C22orf31: variants seen among roughly 807,000 people sequenced by gnomAD.
The protein encoded by C22orf31 is uncharacterized protein C22orf31.
C22orf31 carries 11 observed loss-of-function variants against 15.0 expected under a neutral mutation model. The ratio of observed to expected loss-of-function variants is 0.73; its 90% CI spans 0.46 to 1.21. C22orf31 has a LOEUF of 1.21. Ranked by LOEUF, C22orf31 falls within the 50% of genes most tolerant of loss-of-function variation. The pLI, the probability that C22orf31 is intolerant of heterozygous loss-of-function variation, is 0.00. For missense variants in C22orf31, 340 were observed against 347.2 expected (o/e 0.98, Z 0.17); for synonymous variants, 132 against 133.3 (o/e 0.99, Z 0.07).
At chr22:29,065,179 C>T (rs1421465896), upstream of C22orf31, among the ~76,000 whole-genome samples, 1 of 152,056 alleles carries the variant, frequency 6.6e-6, no homozygotes, top group Non-Finnish European at 1.5e-5. Flanking sequence ...TATTATGGTC[C>T]ATTTACTCAT....
At position 29,060,797 on chromosome 22, in the gene C22orf31, A is replaced by G. The variant is rs745508219; in HGVS notation, c.50T>C (p.Leu17Pro). The G allele has an allele frequency of 2.5e-6, 4 of 1,614,012 alleles. No individual in the cohort carries two copies. In the South Asian group the frequency reaches 3.3e-5, roughly 13 times the overall value. The change falls in exon 2 of 3, where the codon CTC (leucine) becomes CCC (proline). Residue 17 changes from leucine to proline, a missense_variant. Physicochemically the swap from Leu to Pro is moderately conservative, Grantham distance 98. Coordinates refer to ENST00000216071, the MANE Select transcript of C22orf31 (RefSeq NM_015370.2). ...RRDPSIPIYG[L>P]RQSILLNTRL... ...GGTATTTAATAAGATGGACTGTCGG[A>G]GTCCATAGATAGGGATGCTGGGGTC... is the stretch of plus-strand genomic sequence containing the variant.
the C22orf31 span, among the ~76,000 whole-genome samples, chr22:29,071,349 T>C: frequency 6.8e-6 from 1 of 148,084 alleles, no homozygotes; most frequent in South Asian, 2.1e-4. Context: ...AGAGGCCTCG[T>C]GGGAGGTAGC....
chr22:29,061,181 T>C (rs1289554682), intron 1 of C22orf31, among the ~76,000 whole-genome samples: 1 of 152,140 alleles, frequency 6.6e-6, no homozygotes, highest in Non-Finnish European at 1.5e-5. Context: ...AAGACTTCCA[T>C]ATGAGCTGTA....
the C22orf31 span, among the ~76,000 whole-genome samples, chr22:29,072,191 C>A: frequency 2.0e-5 from 3 of 152,144 alleles, no homozygotes; most frequent in South Asian, 2.1e-4. Flanking sequence ...GTCACCCAGG[C>A]TGGAGTGCAG....
At chr22:29,071,706 G>C in the C22orf31 span, among the ~76,000 whole-genome samples, 7 of 152,316 alleles carry the variant, frequency 4.6e-5, no homozygotes, top group East Asian at 1.4e-3. Flanking sequence ...CGGGAGGGCG[G>C]GGGAGGAGGA....
the C22orf31 span, among the ~76,000 whole-genome samples, chr22:29,069,658 T>C: frequency 6.6e-6 from 1 of 152,320 alleles, no homozygotes; most frequent in East Asian, 1.9e-4. Context: ...TTAAGTGCCA[T>C]GACCTAGACG....
the C22orf31 span, among the ~76,000 whole-genome samples, chr22:29,068,091 T>TTTA: frequency 2.7e-5 from 4 of 150,486 alleles, no homozygotes; most frequent in Non-Finnish European, 1.5e-5. Flanking sequence ...CGTCTTTTTT[T>TTTA]TTTTTTTTTT....
chr22:29,061,865 T>C, upstream of C22orf31: 2 of 1,189,266 alleles, frequency 1.7e-6, no homozygotes, highest in Non-Finnish European at 2.4e-6. Flanking sequence ...CTTTCCTTTT[T>C]CTCTCTCTCT....
At chr22:29,073,088 C>A in the C22orf31 span, 131 of 641,872 alleles carry the variant, frequency 2.0e-4, no homozygotes, top group East Asian at 2.6e-4. This position sits in a 1 kb window ranked among gnomAD's most constrained non-coding sequence, Gnocchi z 4.4. Context: ...CGCGCTGCCC[C>A]CTTTACCCCG....
At chr22:29,073,409 G>A in the C22orf31 span, among the ~76,000 whole-genome samples, 1 of 151,300 alleles carries the variant, frequency 6.6e-6, no homozygotes, top group African/African-American at 2.4e-5. The surrounding 1 kb of genome is among the most constrained non-coding windows in gnomAD (Gnocchi z 4.4). Flanking sequence ...GCTACCCCCA[G>A]GCCCGTCATC....
chr22:29,072,135 G>T, the C22orf31 span, among the ~76,000 whole-genome samples: 45 of 150,924 alleles, frequency 3.0e-4, no homozygotes, highest in South Asian at 1.3e-3. Flanking sequence ...TTTCGTTTTG[G>T]TTTTTTTTTG....
In C22orf31 at chr22:29,060,341, G is replaced by A. The variant is rs566069315; in HGVS notation, c.432+74C>T. ...AGCCGCACGCCATATAATCTCAACC[G>A]TTAAGTGTTCTCTGGCTTTACCTTT... On this transcript the variant is annotated intron_variant, in intron 2 of 2. Transcript: ENST00000216071. The A allele has an allele frequency of 3.6e-5, 49 of 1,359,902 alleles. No homozygotes were observed. In the African/African-American group the frequency reaches 4.1e-4, roughly 11 times the overall value. The allele number at this position is 1,359,902 out of a possible 1,614,324, so 84.2% of individuals were successfully genotyped here. A position where few individuals can be genotyped will look rare whatever the true frequency, so the allele number is the denominator to read the frequency against.
chr22:29,059,139 T>A lies in C22orf31; in HGVS notation c.476A>T (p.Asp159Val). Residue 159 changes from aspartate to valine, a missense_variant, in exon 3 of 3, where the codon GAT (aspartate) becomes GTT (valine). Asp to Val is a radical substitution (Grantham distance 152, BLOSUM62 -3). Transcript: ENST00000216071. Reference sequence around the variant, plus strand: ...ATGTTCAGCATATCTGTCCTCAAGATCTTGGCGGACTGTTAGTTTTTTCTC... The same window carrying A: ...ATGTTCAGCATATCTGTCCTCAAGAACTTGGCGGACTGTTAGTTTTTTCTC... The part of the protein sequence containing the change: ...SKEKKLTVRQ[D>V]LEDRYAEHVA... 1 of 1,613,060 alleles carries A rather than the reference T, an allele frequency of 6.2e-7. No homozygotes were observed.
chr22:29,061,655 A>G (rs1253270856), intron 1 of C22orf31, 135 bp downstream of exon 1: 2 of 634,670 alleles, frequency 3.2e-6, no homozygotes, highest in East Asian at 5.4e-5. Flanking sequence ...AGCAACACGA[A>G]AACATTAATG....
At chr22:29,066,812 C>T (rs1433638777), upstream of C22orf31, among the ~76,000 whole-genome samples, 14 of 152,010 alleles carry the variant, frequency 9.2e-5, no homozygotes, top group African/African-American at 1.2e-4. Context: ...CCACCTGCCT[C>T]GGCCTCCCAA....
In C22orf31 at chr22:29,060,618, C is replaced by T. The variant is rs1341736352; in HGVS notation, c.229G>A (p.Val77Ile). Reference protein sequence around the residue: ...NPLIASSFSLVKLVLRRQLKN... With the variant: ...NPLIASSFSLIKLVLRRQLKN... ...AGTTGCCGCCTGAGTACAAGCTTAA[C>T]CAGGGAGAAGGAACTGGCAATTAAT... Residue 77 changes from valine (V) to isoleucine (I), a missense_variant, in exon 2 of 3, where the codon GTT (valine) becomes ATT (isoleucine). Transcript: ENST00000216071. 14 of 1,613,998 alleles carry T rather than the reference C, an allele frequency of 8.7e-6. No homozygotes were observed. The Admixed American group carries it at 1.7e-4, about 19-fold the overall frequency.
rs142672074 is a variant in C22orf31, at chr22:29,061,820, G to A, written c.-28C>T. 4.2e-5 allele frequency: 63 copies of A among 1,517,084 alleles called. No homozygotes were observed. The African/African-American group carries it at 4.3e-4, about 10-fold the overall frequency. 94.0% of individuals were successfully genotyped at this position (1,517,084 alleles called of 1,614,324 possible). ...TTCAGTTGCCTTAAATTTTATTTTC[G>A]CTAGCTTAGTAAGGGGAAGAAATAT... On this transcript the variant is annotated 5_prime_UTR_variant, in exon 1 of 3. Coordinates refer to ENST00000216071, the MANE Select transcript of C22orf31 (RefSeq NM_015370.2).
At chr22:29,066,607 G>A (rs1400951074), upstream of C22orf31, among the ~76,000 whole-genome samples, 1 of 133,808 alleles carries the variant, frequency 7.5e-6, no homozygotes, top group African/African-American at 2.9e-5. Context: ...GCTGCCAAGG[G>A]TGGAGTGCAG....
chr22:29,060,514 TG>T lies in C22orf31; in HGVS notation c.332del (p.Ser111Ter). On this transcript the variant is annotated frameshift_variant, in exon 2 of 3. Coordinates refer to ENST00000216071, the MANE Select transcript of C22orf31 (RefSeq NM_015370.2). LOFTEE classifies it high-confidence loss of function. ...LSKRLKHKDD[S>X]VMKATQQARK... ...TGGCCTGCTGGGTGGCTTTCATCAC[TG>T]AATCGTCCTTGTGCTTTAATCTCTT... 1 of 1,614,170 alleles carries T rather than the reference TG, an allele frequency of 6.2e-7. No homozygotes were observed. Among genetic ancestry groups the T allele is most frequent in the Non-Finnish European group, 8.5e-7 (1 of 1,180,026 alleles).
Sources: allele counts gnomAD v4.1 joint callset (sites outside exome capture counted in the v4.1 genomes callset), GRCh38; gene constraint gnomAD v4.1.1; non-coding constraint Gnocchi (gnomAD v3.1); transcripts MANE v1.5; gene names NCBI Gene and HGNC (gene_info 2026-07-23, HGNC 2026-07-21).